Variants in INVS observed in about 807,000 individuals in gnomAD.
INVS encodes the protein inversin.
INVS carries 86 observed loss-of-function variants against 108.8 expected under a neutral mutation model. That is an observed-to-expected ratio of 0.79 (90% CI 0.66 to 0.95). INVS has a LOEUF of 0.95. Among genes scored for constraint, INVS ranks in the 40% least tolerant of loss-of-function variants. INVS has a pLI of 0.00. For missense variants in INVS, 1,169 were observed against 1,297.4 expected (o/e 0.90, Z 1.52); for synonymous variants, 455 against 473.5 (o/e 0.96, Z 0.51).
At chr9:100,233,021 C>G (rs1208986790) in intron 5 of INVS, among the ~76,000 whole-genome samples, 1 of 152,038 alleles carries the variant, frequency 6.6e-6, no homozygotes, top group African/African-American at 2.4e-5. Flanking sequence ...TGTGTCCTCT[C>G]TTATGTCCTT....
At chr9:100,211,565 C>T (rs930107344) in intron 3 of INVS, among the ~76,000 whole-genome samples, 1 of 152,094 alleles carries the variant, frequency 6.6e-6, no homozygotes, top group African/African-American at 2.4e-5. Flanking sequence ...TGTTTGACTC[C>T]GTGCCACTTG....
chr9:100,234,402 GTTAGGTT>G (rs1417059311), intron 5 of INVS, among the ~76,000 whole-genome samples: 1 of 152,080 alleles, frequency 6.6e-6, no homozygotes, highest in Admixed American at 6.6e-5. Flanking sequence ...CTTGTCTTCT[GTTAGGTT>G]TTTAATTTGT....
intron 3 of INVS, among the ~76,000 whole-genome samples, chr9:100,171,019 T>C (rs1829527206): frequency 2.0e-5 from 3 of 152,140 alleles, no homozygotes; most frequent in Admixed American, 2.0e-4. Context: ...CTTCCTTCAA[T>C]AGATAGCAAC....
intron 2 of INVS, among the ~76,000 whole-genome samples, chr9:100,113,283 A>G (rs562784073): frequency 6.6e-6 from 1 of 152,172 alleles, no homozygotes; most frequent in African/African-American, 2.4e-5. Flanking sequence ...GTTGAATCCA[A>G]TGCAAAATTT....
At chr9:100,279,159 T>TCTCCCTCTCCCTCTCCCTCTCCCTC (rs1833203209) in intron 12 of INVS, among the ~76,000 whole-genome samples, 1 of 152,162 alleles carries the variant, frequency 6.6e-6, no homozygotes, top group Non-Finnish European at 1.5e-5. Context: ...GGAAGCCGGA[T>TCTCCCTCTCCCTCTCCCTCTCCCTC]TGAATAATGT....
chr9:100,230,710 G>T (rs1188817691), intron 5 of INVS, among the ~76,000 whole-genome samples: 1 of 152,000 alleles, frequency 6.6e-6, no homozygotes, highest in African/African-American at 2.4e-5. Context: ...GTAGAGACCG[G>T]GTTTCACCAT....
intron 2 of INVS, among the ~76,000 whole-genome samples, chr9:100,124,183 T>C (rs898736041): frequency 7.1e-6 from 1 of 141,464 alleles, no homozygotes; most frequent in Admixed American, 6.9e-5. Flanking sequence ...TCTGAGTGTG[T>C]GTGTGTGTGT....
intron 3 of INVS, among the ~76,000 whole-genome samples, chr9:100,132,824 G>A (rs535553835): frequency 1.3e-5 from 2 of 152,046 alleles, no homozygotes; most frequent in Non-Finnish European, 2.9e-5. Flanking sequence ...AAAGAACAGG[G>A]CCTGGTGCCA....
rs1205842054 is a variant in INVS, at chr9:100,284,657, T to G, written c.2068+54T>G. 5.7e-6 allele frequency: 9 copies of G among 1,577,818 alleles called. No individual in the cohort carries two copies. In the East Asian group the frequency reaches 2.0e-4, roughly 36 times the overall value. On this transcript the variant is annotated intron_variant, in intron 13 of 16. Transcript: ENST00000262457. ...CCGGCCCATGGACTGTGGGCTTTTT[T>G]GATTGGTGTATTTAGACCAATTACA...
At chr9:100,203,646 G>T (rs1830594761) in intron 3 of INVS, among the ~76,000 whole-genome samples, 1 of 151,866 alleles carries the variant, frequency 6.6e-6, no homozygotes. Flanking sequence ...GGGATTACAG[G>T]CATGCGCCAC....
At chr9:100,281,856 C>T (rs1348483772) in intron 12 of INVS, among the ~76,000 whole-genome samples, 1 of 151,984 alleles carries the variant, frequency 6.6e-6, no homozygotes, top group African/African-American at 2.4e-5. Context: ...TTGTTGAAGG[C>T]CCAGAAAGGT....
At chr9:100,177,693 A>G (rs1397350243) in intron 3 of INVS, among the ~76,000 whole-genome samples, 1 of 152,210 alleles carries the variant, frequency 6.6e-6, no homozygotes, top group African/African-American at 2.4e-5. Context: ...GCAGCTGTGG[A>G]TGCATCTTCA....
At chr9:100,134,680 T>C (rs1203451629) in intron 3 of INVS, among the ~76,000 whole-genome samples, 1 of 152,208 alleles carries the variant, frequency 6.6e-6, no homozygotes, top group Non-Finnish European at 1.5e-5. Context: ...TTGATTTGCA[T>C]TTCCCTGATC....
At chr9:100,285,677 T>G (rs1833418696) in intron 13 of INVS, among the ~76,000 whole-genome samples, 2 of 152,240 alleles carry the variant, frequency 1.3e-5, no homozygotes, top group African/African-American at 2.4e-5. Context: ...ACAACACGTT[T>G]AATTCCTTCT....
chr9:100,167,546 A>G (rs540779166), intron 3 of INVS, among the ~76,000 whole-genome samples: 1 of 152,250 alleles, frequency 6.6e-6, no homozygotes, highest in African/African-American at 2.4e-5. Context: ...TGGCAATCCT[A>G]TCTAATACCC....
At chr9:100,240,458 G>C (rs980359451) in intron 6 of INVS, among the ~76,000 whole-genome samples, 3 of 151,762 alleles carry the variant, frequency 2.0e-5, no homozygotes, top group African/African-American at 7.3e-5. Flanking sequence ...TTAAATTTTT[G>C]TTATAAAAGT....
In INVS at chr9:100,292,181, G is replaced by A. The variant is rs1788709920; in HGVS notation, c.2069-145G>A. ...CTAACCTACCATATTGCTGGAAATA[G>A]AAGTTAAACCGTTTTTTTCCTAGTC... On this transcript the variant is annotated intron_variant, in intron 13 of 16. Transcript: ENST00000262457. 2.6e-5 allele frequency: 20 copies of A among 764,074 alleles called. No homozygotes were observed. In the South Asian group the frequency reaches 3.0e-4, roughly 11 times the overall value. 47.3% of individuals were successfully genotyped at this position (764,074 alleles called of 1,614,324 possible).
At chr9:100,281,298 C>T (rs765575675) in intron 12 of INVS, among the ~76,000 whole-genome samples, 2 of 152,204 alleles carry the variant, frequency 1.3e-5, no homozygotes, top group African/African-American at 2.4e-5. Flanking sequence ...ATGAGGGTGT[C>T]ACCCTCAATA....
intron 2 of INVS, among the ~76,000 whole-genome samples, chr9:100,125,796 C>T (rs1414022125): frequency 3.3e-5 from 5 of 151,116 alleles, no homozygotes; most frequent in Admixed American, 2.7e-4. Flanking sequence ...AGCAATTCTC[C>T]TGCCTCAACC....
Sources: allele counts gnomAD v4.1 joint callset (sites outside exome capture counted in the v4.1 genomes callset), GRCh38; gene constraint gnomAD v4.1.1; transcripts MANE v1.5; gene names NCBI Gene and HGNC (gene_info 2026-07-23, HGNC 2026-07-21).